The following DNAH6 variants were observed in gnomAD, a reference collection of about 807,000 sequenced individuals.
The protein encoded by DNAH6 is axonemal beta dynein heavy chain 6.
DNAH6 carries 340 observed loss-of-function variants against 491.4 expected under a neutral mutation model. The ratio of observed to expected loss-of-function variants is 0.69; its 90% CI spans 0.63 to 0.76. The LOEUF is 0.76. Among genes scored for constraint, DNAH6 ranks in the 30% least tolerant of loss-of-function variants. DNAH6 has a pLI of 0.00. For missense variants in DNAH6, 4,443 were observed against 4,972.2 expected (o/e 0.89, Z 3.20); for synonymous variants, 1,603 against 1,686.1 (o/e 0.95, Z 1.21).
intron 11 of DNAH6, among the ~76,000 whole-genome samples, chr2:84,571,289 TATA>T (rs1478684402): frequency 6.6e-6 from 1 of 152,102 alleles, no homozygotes; most frequent in Non-Finnish European, 1.5e-5. Context: ...TATGCAAAAG[TATA>T]ATAAGAAATG....
At chr2:84,666,298 GAGGA>G (rs1310011610) in intron 37 of DNAH6, among the ~76,000 whole-genome samples, 1 of 152,154 alleles carries the variant, frequency 6.6e-6, no homozygotes, top group African/African-American at 2.4e-5. Flanking sequence ...ATTAGGAAAA[GAGGA>G]AGTCAAATTG....
In DNAH6 at chr2:84,699,718, T is replaced by C; in HGVS notation, c.7802T>C (p.Ile2601Thr). Reference protein sequence around the residue: ...MFPSLVNCCTIDWFVQWPREA... With the variant: ...MFPSLVNCCTTDWFVQWPREA... ...CCATCCCTTGTGAATTGCTGCACCA[T>C]TGACTGGTTTGTGCAGGTTGGTGAC... The change falls in exon 48 of 77, where the codon ATT (isoleucine) becomes ACT (threonine). Residue 2601 changes from isoleucine to threonine, a missense_variant. By Grantham distance (89) the Ile-to-Thr change is moderately conservative. This residue lies in a region of DNAH6 where 2,977 missense variants were observed against 3,296.6 expected (regional missense o/e 0.90). Coordinates refer to ENST00000389394, the MANE Select transcript of DNAH6 (RefSeq NM_001370.2). The C allele has an allele frequency of 3.9e-6, 6 of 1,551,518 alleles. No individual in the cohort carries two copies. Among genetic ancestry groups the C allele is most frequent in the Non-Finnish European group, 5.2e-6 (6 of 1,146,942 alleles).
chr2:84,725,537 A>C (rs1698544307), intron 60 of DNAH6, among the ~76,000 whole-genome samples: 1 of 152,230 alleles, frequency 6.6e-6, no homozygotes, highest in Non-Finnish European at 1.5e-5. Flanking sequence ...AATGCCACCT[A>C]AATGACTTTT....
At chr2:84,798,843 T>A (rs943589098) in intron 70 of DNAH6, among the ~76,000 whole-genome samples, 1 of 151,980 alleles carries the variant, frequency 6.6e-6, no homozygotes, top group Non-Finnish European at 1.5e-5. Flanking sequence ...ACAGTTCTGG[T>A]CCCAACTCCC....
At chr2:84,677,876 G>A (rs1362617395) in intron 41 of DNAH6, among the ~76,000 whole-genome samples, 2 of 152,168 alleles carry the variant, frequency 1.3e-5, no homozygotes, top group Non-Finnish European at 2.9e-5. Context: ...GGAAGTGCTG[G>A]GTGAACGCAA....
At chr2:84,666,437 A>AAGCATTCC (rs1349572418) in intron 37 of DNAH6, among the ~76,000 whole-genome samples, 12 of 152,200 alleles carry the variant, frequency 7.9e-5, no homozygotes, top group African/African-American at 2.2e-4. Context: ...CTAAAATCAC[A>AAGCATTCC]AGCATTCCTA....
chr2:84,563,320 G>C (rs1263416671), intron 11 of DNAH6, among the ~76,000 whole-genome samples: 1 of 152,130 alleles, frequency 6.6e-6, no homozygotes, highest in Non-Finnish European at 1.5e-5. Context: ...GCTTTCTATA[G>C]TGGATGAACT....
At chr2:84,793,438 A>T (rs530613902) in intron 68 of DNAH6, among the ~76,000 whole-genome samples, 1 of 152,328 alleles carries the variant, frequency 6.6e-6, no homozygotes, top group South Asian at 2.1e-4. Context: ...GCTGCTTGTC[A>T]AAATGCAGAT....
chr2:84,538,527 T>C (rs1214765008), intron 4 of DNAH6, among the ~76,000 whole-genome samples: 1 of 152,164 alleles, frequency 6.6e-6, no homozygotes, highest in African/African-American at 2.4e-5. Context: ...CAGAATGCCA[T>C]GAAACAGGAC....
intron 30 of DNAH6, 27 bp from the exon 31 acceptor site, chr2:84,637,183 G>A: frequency 6.6e-7 from 1 of 1,511,972 alleles, no homozygotes; most frequent in Non-Finnish European, 8.9e-7. Context: ...CTGGAAGAGT[G>A]TTAACTTATA....
intron 14 of DNAH6, 53 bp from the exon 15 acceptor site, chr2:84,583,946 A>T (rs1186082992): frequency 1.9e-6 from 3 of 1,588,878 alleles, no homozygotes; most frequent in Non-Finnish European, 2.6e-6. Context: ...ACAAACTTCA[A>T]GACTAAACTA....
rs1242532197 is a variant in DNAH6, at chr2:84,727,719, G to T, written c.10023G>T (p.Gln3341His). The T allele has an allele frequency of 6.4e-7, 1 of 1,551,442 alleles. No individual in the cohort carries two copies. Among genetic ancestry groups the T allele is most frequent in the Non-Finnish European group, 8.7e-7 (1 of 1,146,898 alleles). Reference protein sequence around the residue: ...ETSVKTENLQQRLDVLLEQTL... With the variant: ...ETSVKTENLQHRLDVLLEQTL... ...CTGTAAAGACAGAAAATCTACAACA[G>T]CGCCTGGACGTACTACTAGAACAAA... Residue 3341 changes from glutamine (Q) to histidine (H), a missense_variant, in exon 61 of 77, where the codon CAG becomes CAT. Gln to His is a conservative substitution (Grantham distance 24). Coordinates refer to ENST00000389394, the MANE Select transcript of DNAH6 (RefSeq NM_001370.2).
intron 66 of DNAH6, among the ~76,000 whole-genome samples, chr2:84,785,345 A>C (rs1242760238): frequency 6.6e-6 from 1 of 152,220 alleles, no homozygotes; most frequent in Non-Finnish European, 1.5e-5. Flanking sequence ...GTTTAGAAAA[A>C]ATGGACACTA....
At chr2:84,786,135 A>C (rs981985805) in intron 67 of DNAH6, among the ~76,000 whole-genome samples, 2 of 151,480 alleles carry the variant, frequency 1.3e-5, no homozygotes, top group African/African-American at 4.9e-5. Flanking sequence ...TGAATGAATG[A>C]ATGAATCAGA....
chr2:84,716,771 A>C (rs1697576398), intron 58 of DNAH6, among the ~76,000 whole-genome samples: 1 of 152,146 alleles, frequency 6.6e-6, no homozygotes, highest in South Asian at 2.1e-4. Flanking sequence ...AGAACACGAG[A>C]AATGCTGGGA....
chr2:84,776,700 T>C (rs975818740), intron 64 of DNAH6, among the ~76,000 whole-genome samples: 25 of 152,240 alleles, frequency 1.6e-4, no homozygotes, highest in African/African-American at 6.0e-4. Context: ...TGTTGTTTCC[T>C]GACTTTTTAA....
At chr2:84,651,157 C>T (rs111471922) in intron 33 of DNAH6, among the ~76,000 whole-genome samples, 1 of 152,114 alleles carries the variant, frequency 6.6e-6, no homozygotes, top group East Asian at 1.9e-4. Context: ...AGCTTTATTA[C>T]CCCTGGACAG....
chr2:84,512,672 G>A (rs1675382313), upstream of DNAH6, among the ~76,000 whole-genome samples: 1 of 152,098 alleles, frequency 6.6e-6, no homozygotes, highest in Non-Finnish European at 1.5e-5. Flanking sequence ...CATATGTTTT[G>A]GGACTGTGTT....
the DNAH6 span, among the ~76,000 whole-genome samples, chr2:84,490,834 T>C: frequency 6.6e-6 from 1 of 152,216 alleles, no homozygotes; most frequent in Non-Finnish European, 1.5e-5. Flanking sequence ...AGTGCTGATT[T>C]ACAGGTGTGA....
Sources: allele counts gnomAD v4.1 joint callset (sites outside exome capture counted in the v4.1 genomes callset), GRCh38; gene constraint gnomAD v4.1.1; regional missense constraint gnomAD v4.1.1; transcripts MANE v1.5; gene names NCBI Gene and HGNC (gene_info 2026-07-23, HGNC 2026-07-21).